SLC9A9: variants seen among roughly 807,000 people sequenced by gnomAD.
SLC9A9 encodes the protein solute carrier family 9 member A9.
SLC9A9 carries 62 observed loss-of-function variants against 77.8 expected under a neutral mutation model. That is an observed-to-expected ratio of 0.80 (90% confidence interval 0.65 to 0.98). The LOEUF (loss-of-function observed/expected upper bound fraction) is 0.98, where lower values mean the gene tolerates loss of function less well. Ranked by LOEUF, SLC9A9 falls within the 50% of genes least tolerant of loss-of-function variation. SLC9A9 has a pLI of 0.00. For synonymous variants in SLC9A9, 320 were observed against 283.5 expected, an observed-to-expected ratio of 1.13 and a Z score of -1.29; for missense variants, 775 against 774.9, an observed-to-expected ratio of 1.00 and a Z score of 0.00.
intron 11 of SLC9A9, among the ~76,000 whole-genome samples, chr3:143,475,659 G>C (rs549066362): frequency 6.6e-6 from 1 of 152,156 alleles, no homozygotes; most frequent in Non-Finnish European, 1.5e-5. Flanking sequence ...GGGCGTGGTG[G>C]TGAATGCCTG....
intron 4 of SLC9A9, among the ~76,000 whole-genome samples, chr3:143,765,162 T>C (rs2007274282): frequency 6.6e-6 from 1 of 150,928 alleles, no homozygotes; most frequent in African/African-American, 2.4e-5. Context: ...TCTTTCTTTC[T>C]TTCCTCCCTC....
intron 2 of SLC9A9, among the ~76,000 whole-genome samples, chr3:143,814,417 G>T (rs1288669684): frequency 1.3e-5 from 2 of 152,158 alleles, no homozygotes; most frequent in African/African-American, 4.8e-5. Flanking sequence ...ATGCTGGAAG[G>T]GGATGCAGTG....
chr3:143,401,978 G>A (rs1358609456), intron 12 of SLC9A9, among the ~76,000 whole-genome samples: 1 of 152,130 alleles, frequency 6.6e-6, no homozygotes, highest in Non-Finnish European at 1.5e-5. Flanking sequence ...ATCTCAGATG[G>A]AGAAATCTAG....
chr3:143,651,399 C>T (rs984788047), intron 6 of SLC9A9, among the ~76,000 whole-genome samples: 1 of 152,176 alleles, frequency 6.6e-6, no homozygotes, highest in African/African-American at 2.4e-5. Context: ...TAGTGCTGCT[C>T]TGTCATTTCT....
chr3:143,445,756 C>T, intron 12 of SLC9A9, among the ~76,000 whole-genome samples: 1 of 152,142 alleles, frequency 6.6e-6, no homozygotes. Flanking sequence ...AATAGGTGGC[C>T]AGGGAGGTAT....
At chr3:143,437,824 A>G (rs766135742) in intron 12 of SLC9A9, among the ~76,000 whole-genome samples, 1 of 152,206 alleles carries the variant, frequency 6.6e-6, no homozygotes, top group South Asian at 2.1e-4. Context: ...AATGATTTCA[A>G]TCAAGAGCAA....
At chr3:143,549,245 T>G (rs757474327) in intron 9 of SLC9A9, among the ~76,000 whole-genome samples, 1 of 152,214 alleles carries the variant, frequency 6.6e-6, no homozygotes, top group Non-Finnish European at 1.5e-5. Flanking sequence ...GTGCAGAGCC[T>G]GTAGTGTGGC....
At chr3:143,321,096 C>T (rs1311192702) in intron 14 of SLC9A9, among the ~76,000 whole-genome samples, 2 of 152,218 alleles carry the variant, frequency 1.3e-5, no homozygotes, top group Admixed American at 6.5e-5. Flanking sequence ...TCATTTCAAA[C>T]ATCTAGCCTT....
chr3:143,522,932 A>T (rs1471884254), intron 9 of SLC9A9, among the ~76,000 whole-genome samples: 1 of 152,154 alleles, frequency 6.6e-6, no homozygotes, highest in Non-Finnish European at 1.5e-5. Flanking sequence ...TAAGTATCTC[A>T]TTAGGCCCAC....
chr3:143,768,748 A>G (rs2007414565), intron 4 of SLC9A9, among the ~76,000 whole-genome samples: 1 of 152,196 alleles, frequency 6.6e-6, no homozygotes, highest in African/African-American at 2.4e-5. Flanking sequence ...GGAGCCCATG[A>G]AGGGAAATGG....
rs13073960 is a variant in SLC9A9, at chr3:143,412,176, C to G, written c.1470-30062G>C. On this transcript the variant is annotated intron_variant, in intron 12 of 15. Coordinates refer to ENST00000316549, the MANE Select transcript of SLC9A9 (RefSeq NM_173653.4). The stretch of plus-strand genomic sequence containing the variant: ...CTCTTTGAAGAAGGGTGAGACTCCT[C>G]CTCTGCTGCTGGCTGCCAGGTGTTG... Among the ~76,000 whole-genome samples the G allele has an allele frequency of 4.3e-4, 66 of 152,252 alleles. No homozygotes were observed. The Middle Eastern group carries it at 0.01, about 24-fold the overall frequency.
chr3:143,361,301 C>T (rs1485464824), intron 14 of SLC9A9, among the ~76,000 whole-genome samples: 6 of 152,222 alleles, frequency 3.9e-5, no homozygotes, highest in Non-Finnish European at 8.8e-5. Flanking sequence ...CAGCTCCAAA[C>T]TACATAGCCA....
chr3:143,717,295 A>C (rs1000712612), intron 4 of SLC9A9, among the ~76,000 whole-genome samples: 1 of 152,174 alleles, frequency 6.6e-6, no homozygotes, highest in African/African-American at 2.4e-5. Context: ...ACTGGACTAG[A>C]TGTTTTGTGT....
intron 12 of SLC9A9, among the ~76,000 whole-genome samples, chr3:143,442,877 T>A (rs992240089): frequency 1.3e-5 from 2 of 152,126 alleles, no homozygotes; most frequent in Admixed American, 6.5e-5. Flanking sequence ...GTAAGAAAAC[T>A]GCCAGCCCAT....
chr3:143,605,634 C>T (rs1319891691), intron 6 of SLC9A9, among the ~76,000 whole-genome samples: 1 of 152,200 alleles, frequency 6.6e-6, no homozygotes, highest in Non-Finnish European at 1.5e-5. Context: ...GGCCTGTGGA[C>T]CACACATTTG....
At chr3:143,582,307 A>G (rs911864584) in intron 6 of SLC9A9, among the ~76,000 whole-genome samples, 2 of 152,206 alleles carry the variant, frequency 1.3e-5, no homozygotes, top group Non-Finnish European at 2.9e-5. Flanking sequence ...AATAGTATTT[A>G]TCCCCTAGAA....
chr3:143,533,238 G>C (rs187404189), intron 9 of SLC9A9, among the ~76,000 whole-genome samples: 1 of 152,192 alleles, frequency 6.6e-6, no homozygotes, highest in South Asian at 2.1e-4. Flanking sequence ...GGCTCACAGC[G>C]ACCTGGGGGC....
intron 4 of SLC9A9, among the ~76,000 whole-genome samples, chr3:143,794,266 T>G (rs2008307084): frequency 1.3e-5 from 2 of 152,192 alleles, no homozygotes; most frequent in Non-Finnish European, 2.9e-5. Context: ...AGGATAGAGT[T>G]GACTGTATCA....
rs149261673 is a variant in SLC9A9 at position 143,668,501 on chromosome 3, A to G, written c.650-16141T>C. Among the ~76,000 whole-genome samples, 740 of 152,286 alleles carry G rather than the reference A, an allele frequency of 4.9e-3. 4 individuals carry two copies. Among genetic ancestry groups the G allele is most frequent in the African/African-American group, 0.015 (614 of 41,542 alleles). On this transcript the variant is annotated intron_variant, in intron 5 of 15. Coordinates refer to ENST00000316549, the MANE Select transcript of SLC9A9 (RefSeq NM_173653.4). The stretch of plus-strand genomic sequence containing the variant: ...AATAACAAAAAAAGTAAAAATAAAA[A>G]AAGAAAGTAGCATTTTAAAAAACCA...
Sources: gnomAD v4.1 joint callset for allele counts (sites outside exome capture counted in the v4.1 genomes callset) on GRCh38, gnomAD v4.1.1 for gene constraint, MANE v1.5 for transcripts, NCBI Gene and HGNC (gene_info 2026-07-23, HGNC 2026-07-21) for gene names.